The following EYS variants were observed in gnomAD, a reference collection of about 807,000 sequenced individuals.
The protein encoded by EYS is EGF-like photoreceptor maintenance factor.
Under a neutral mutation model 282.1 loss-of-function variants are expected in EYS, and 250 were observed. The ratio of observed to expected loss-of-function variants is 0.89; its 90% CI spans 0.80 to 0.98. The LOEUF (loss-of-function observed/expected upper bound fraction) is 0.98. Among genes scored for constraint, EYS ranks in the 50% least tolerant of loss-of-function variants. The pLI, the probability that EYS is intolerant of heterozygous loss-of-function variation, is 0.00. For synonymous variants in EYS, 1,355 were observed against 1,282.9 expected, an observed-to-expected ratio of 1.06 and a Z score of -1.20; for missense variants, 4,016 against 3,709.0, an observed-to-expected ratio of 1.08 and a Z score of -2.15.
intron 12 of EYS, among the ~76,000 whole-genome samples, chr6:65,233,724 T>C (rs1766849651): frequency 6.6e-6 from 1 of 152,178 alleles, no homozygotes; most frequent in Non-Finnish European, 1.5e-5. Context: ...ATAAGTGTTA[T>C]TTTATCTTTA....
At chr6:63,929,682 G>A (rs930364215) in intron 35 of EYS, among the ~76,000 whole-genome samples, 7 of 152,178 alleles carry the variant, frequency 4.6e-5, no homozygotes, top group African/African-American at 1.4e-4. Flanking sequence ...AAAGTAACAC[G>A]TTCACAGGGT....
chr6:65,276,161 T>G (rs959720818), intron 12 of EYS, among the ~76,000 whole-genome samples: 7 of 152,104 alleles, frequency 4.6e-5, no homozygotes, highest in African/African-American at 1.7e-4. Context: ...ATAGTGCCAG[T>G]GAGGTGATAA....
chr6:64,489,476 T>C (rs1021701034), intron 26 of EYS, among the ~76,000 whole-genome samples: 3 of 149,012 alleles, frequency 2.0e-5, no homozygotes, highest in Non-Finnish European at 3.0e-5. Flanking sequence ...TAGAAAAAAG[T>C]ATGCCAATAT....
At chr6:63,793,969 G>A (rs1185429552) in intron 37 of EYS, among the ~76,000 whole-genome samples, 9 of 152,174 alleles carry the variant, frequency 5.9e-5, no homozygotes, top group Non-Finnish European at 1.3e-4. Context: ...CTGCTAGGTG[G>A]TGGAGTCTGA....
At chr6:65,321,225 A>G (rs1306333273) in intron 11 of EYS, among the ~76,000 whole-genome samples, 1 of 151,658 alleles carries the variant, frequency 6.6e-6, no homozygotes, top group East Asian at 1.9e-4. Flanking sequence ...AAGAAATATG[A>G]TTCTTCTTGT....
At chr6:65,134,038 G>A (rs1184076916) in intron 12 of EYS, among the ~76,000 whole-genome samples, 1 of 152,046 alleles carries the variant, frequency 6.6e-6, no homozygotes, top group Non-Finnish European at 1.5e-5. Context: ...TTAGAGAAAT[G>A]CAAATCAAAA....
chr6:65,384,315 G>A lies in EYS; in HGVS notation c.1299+71C>T. On this transcript the variant is annotated intron_variant, in intron 8 of 42. Transcript: ENST00000503581. ...CTGGCTAAGATTAATAAGAGCATTT[G>A]AAATATAGACTAACTGAGTCTATTG... 3 of 820,952 alleles carry A rather than the reference G, an allele frequency of 3.7e-6. No individual in the cohort carries two copies. In the South Asian group the frequency reaches 4.1e-5, roughly 11 times the overall value. The allele number at this position is 820,952 out of a possible 1,614,324, so 50.9% of individuals were successfully genotyped here. A position where few individuals can be genotyped will look rare whatever the true frequency, so the allele number is the denominator to read the frequency against.
intron 2 of EYS, among the ~76,000 whole-genome samples, chr6:65,615,409 T>C (rs866112222): frequency 1.1e-3 from 163 of 149,328 alleles, no homozygotes; most frequent in African/African-American, 3.8e-3. Flanking sequence ...TATGTGTGTG[T>C]ATATATAAAT....
chr6:65,222,873 C>T lies in EYS; in HGVS notation c.2023+72990G>A, dbSNP rs539579575. Among the ~76,000 whole-genome samples, 60 of 152,192 alleles carry T rather than the reference C, an allele frequency of 3.9e-4. 1 individual carries two copies. The highest frequency in any genetic ancestry group is 5.1e-4 in the African/African-American group (21 of 41,538). On this transcript the variant is annotated intron_variant, in intron 12 of 42. Coordinates refer to ENST00000503581, the MANE Select transcript of EYS (RefSeq NM_001142800.2). ...TGGCACCAGCTTAAAGAACTAAAAA[C>T]GGTCAGTTTGTCTGGATAACAAAAC... is the stretch of plus-strand genomic sequence containing the variant.
intron 11 of EYS, among the ~76,000 whole-genome samples, chr6:65,324,441 T>C (rs1769562707): frequency 6.6e-6 from 1 of 152,160 alleles, no homozygotes. Flanking sequence ...GCATTCTGAA[T>C]ACCAGAGCCA....
chr6:64,702,850 A>T (rs1312074068), intron 22 of EYS, among the ~76,000 whole-genome samples: 1 of 152,100 alleles, frequency 6.6e-6, no homozygotes, highest in Non-Finnish European at 1.5e-5. Flanking sequence ...ACTAATTCTA[A>T]GGGAAATAAG....
chr6:63,864,466 G>T, intron 35 of EYS, 108 bp from the exon 36 acceptor site: 2 of 725,206 alleles, frequency 2.8e-6, no homozygotes, highest in Non-Finnish European at 4.0e-6. Flanking sequence ...AATTATAATT[G>T]CATCTTTTCT....
chr6:63,771,719 T>C (rs1769930002), intron 40 of EYS, among the ~76,000 whole-genome samples: 1 of 151,946 alleles, frequency 6.6e-6, no homozygotes, highest in Non-Finnish European at 1.5e-5. Flanking sequence ...GTAGGGAGGC[T>C]TGATGAAAAT....
intron 15 of EYS, among the ~76,000 whole-genome samples, chr6:64,936,496 GC>G (rs968275271): frequency 6.6e-6 from 1 of 151,342 alleles, no homozygotes; most frequent in Non-Finnish European, 1.5e-5. Flanking sequence ...ACAGGTAGGA[GC>G]AAAATTGTCT....
chr6:65,643,087 T>C (rs1767332973), intron 1 of EYS, among the ~76,000 whole-genome samples: 2 of 152,150 alleles, frequency 1.3e-5, no homozygotes, highest in Non-Finnish European at 1.5e-5. Flanking sequence ...TGCCAAAACA[T>C]TGTGAGTGTA....
At chr6:63,966,091 T>G (rs1310423093) in intron 35 of EYS, among the ~76,000 whole-genome samples, 3 of 152,188 alleles carry the variant, frequency 2.0e-5, no homozygotes, top group Non-Finnish European at 4.4e-5. Context: ...CATGAAGCAT[T>G]GCAAAGCACT....
At chr6:64,343,127 G>C (rs1771199941) in intron 29 of EYS, among the ~76,000 whole-genome samples, 1 of 152,038 alleles carries the variant, frequency 6.6e-6, no homozygotes, top group Non-Finnish European at 1.5e-5. Flanking sequence ...ACACCCCACT[G>C]TCAACATTAG....
intron 2 of EYS, among the ~76,000 whole-genome samples, chr6:65,523,380 A>G (rs544174789): frequency 7.9e-5 from 12 of 152,328 alleles, no homozygotes; most frequent in African/African-American, 2.6e-4. Flanking sequence ...ATTTGAAACA[A>G]CATAGGTAAA....
chr6:64,864,385 C>CTTTTTTTTTTTTTTTTATTTTTTTTTT (rs1766350074), intron 19 of EYS, among the ~76,000 whole-genome samples: 1 of 57,166 alleles, frequency 1.7e-5, no homozygotes. Context: ...GCTATACCTT[C>CTTTTTTTTTTTTTTTTATTTTTTTTTT]TTTTTTTTTT....
Sources: allele counts gnomAD v4.1 joint callset (sites outside exome capture counted in the v4.1 genomes callset), GRCh38; gene constraint gnomAD v4.1.1; transcripts MANE v1.5; gene names NCBI Gene and HGNC (gene_info 2026-07-23, HGNC 2026-07-21).